Variants in SBF2 observed in about 807,000 individuals in gnomAD.
The protein encoded by SBF2 is SET binding factor 2.
Under a neutral mutation model 225.2 loss-of-function variants are expected in SBF2, and 112 were observed. The observed-to-expected ratio is 0.50, with a 90% CI of 0.43 to 0.58. The LOEUF (loss-of-function observed/expected upper bound fraction) is 0.58, where lower values mean the gene tolerates loss of function less well. Among genes scored for constraint, SBF2 ranks in the 20% least tolerant of loss-of-function variants. The pLI is 0.00. For missense variants in SBF2, 1,996 were observed against 2,206.2 expected, an observed-to-expected ratio of 0.90 and a Z score of 1.91; for synonymous variants, 763 against 773.3, an observed-to-expected ratio of 0.99 and a Z score of 0.22.
chr11:9,906,167 C>T (rs529970092), intron 16 of SBF2, among the ~76,000 whole-genome samples: 1 of 152,170 alleles, frequency 6.6e-6, no homozygotes, highest in Non-Finnish European at 1.5e-5. Flanking sequence ...AACAGAAATG[C>T]CTTGCATGTT....
intron 6 of SBF2, among the ~76,000 whole-genome samples, chr11:10,005,723 A>G (rs1948160623): frequency 6.6e-6 from 1 of 152,194 alleles, no homozygotes. Context: ...CTTTGGTGCC[A>G]CGTGACTCAA....
At chr11:10,036,656 A>G (rs1426831728) in intron 3 of SBF2, among the ~76,000 whole-genome samples, 2 of 152,206 alleles carry the variant, frequency 1.3e-5, no homozygotes, top group Non-Finnish European at 2.9e-5. Context: ...AAGGTCATAC[A>G]GATCATTAAA....
intron 17 of SBF2, among the ~76,000 whole-genome samples, chr11:9,886,294 G>A (rs1033111656): frequency 1.6e-4 from 24 of 152,202 alleles, no homozygotes; most frequent in Middle Eastern, 3.4e-3. Context: ...ATCTTCACAT[G>A]ATTCTCCTGT....
chr11:10,081,604 C>G (rs1409324420), intron 2 of SBF2, among the ~76,000 whole-genome samples: 1 of 151,522 alleles, frequency 6.6e-6, no homozygotes, highest in African/African-American at 2.4e-5. Context: ...ACTAAAATTA[C>G]AAAAAATTAG....
At chr11:10,257,815 G>C (rs1431830240) in intron 1 of SBF2, among the ~76,000 whole-genome samples, 1 of 151,838 alleles carries the variant, frequency 6.6e-6, no homozygotes, top group African/African-American at 2.4e-5. Context: ...TGGGCAACAT[G>C]GTGAAACTCT....
intron 17 of SBF2, among the ~76,000 whole-genome samples, chr11:9,861,948 G>T (rs1411989606): frequency 6.6e-6 from 1 of 152,200 alleles, no homozygotes; most frequent in Non-Finnish European, 1.5e-5. Context: ...GCAAGACAGA[G>T]TGACAGTGGC....
At chr11:9,908,005 A>C (rs1323725753) in intron 16 of SBF2, among the ~76,000 whole-genome samples, 1 of 152,224 alleles carries the variant, frequency 6.6e-6, no homozygotes, top group Non-Finnish European at 1.5e-5. Flanking sequence ...TTGTGCTTGA[A>C]ACCTCAACGT....
chr11:9,995,452 A>G (rs1340361438), intron 9 of SBF2, among the ~76,000 whole-genome samples: 1 of 152,224 alleles, frequency 6.6e-6, no homozygotes, highest in Non-Finnish European at 1.5e-5. Flanking sequence ...TCACTACCAC[A>G]GTACAAAATA....
chr11:10,264,283 G>T (rs1052059774), intron 1 of SBF2, among the ~76,000 whole-genome samples: 4 of 152,062 alleles, frequency 2.6e-5, no homozygotes, highest in Non-Finnish European at 5.9e-5. Context: ...GGGAAATAAA[G>T]CTCAGCTTCT....
chr11:9,972,629 C>T (rs1330630936), intron 13 of SBF2, among the ~76,000 whole-genome samples: 3 of 152,036 alleles, frequency 2.0e-5, no homozygotes, highest in Non-Finnish European at 4.4e-5. Flanking sequence ...TACAGGTGTG[C>T]ACCACCACGC....
At chr11:10,261,593 C>T (rs914769320) in intron 1 of SBF2, among the ~76,000 whole-genome samples, 7 of 152,154 alleles carry the variant, frequency 4.6e-5, no homozygotes, top group Non-Finnish European at 8.8e-5. Flanking sequence ...ACTAAGCATA[C>T]ACCCACCTAT....
chr11:10,094,527 G>GTTTTTTTT (rs1565222159), intron 2 of SBF2, among the ~76,000 whole-genome samples: 1 of 71,646 alleles, frequency 1.4e-5, no homozygotes, highest in African/African-American at 4.1e-5. Context: ...AATACACACA[G>GTTTTTTTT]ATTTTTTTTT....
At chr11:9,991,094 G>C (rs1382542481) in intron 12 of SBF2, among the ~76,000 whole-genome samples, 1 of 152,152 alleles carries the variant, frequency 6.6e-6, no homozygotes, top group African/African-American at 2.4e-5. Flanking sequence ...AGACCTTGGA[G>C]AGCATCTATT....
At chr11:10,262,217 A>C (rs1961514262) in intron 1 of SBF2, among the ~76,000 whole-genome samples, 1 of 152,214 alleles carries the variant, frequency 6.6e-6, no homozygotes, top group Non-Finnish European at 1.5e-5. Flanking sequence ...AAGATAGATT[A>C]GTGGATGATA....
At chr11:9,925,037 C>T (rs574391684) in intron 16 of SBF2, among the ~76,000 whole-genome samples, 2 of 152,280 alleles carry the variant, frequency 1.3e-5, no homozygotes, top group African/African-American at 4.8e-5. Flanking sequence ...GCGTGAGCCA[C>T]CGCACCTGGC....
intron 1 of SBF2, among the ~76,000 whole-genome samples, chr11:10,258,875 A>C (rs1961156023): frequency 6.6e-6 from 1 of 152,218 alleles, no homozygotes; most frequent in African/African-American, 2.4e-5. Context: ...ATAGGGCAGC[A>C]GATGGAAATC....
At chr11:9,844,017 C>G (rs1856364239) in intron 24 of SBF2, 1 of 152,156 alleles carries the variant, frequency 6.6e-6, no homozygotes, top group South Asian at 2.1e-4. Context: ...AGGCTTGATA[C>G]AGGTATATAT....
At chr11:10,007,131 C>T (rs979554592) in intron 6 of SBF2, among the ~76,000 whole-genome samples, 3 of 152,132 alleles carry the variant, frequency 2.0e-5, no homozygotes, top group African/African-American at 7.2e-5. Flanking sequence ...TCTCTGTTCT[C>T]TCTGGTATCT....
chr11:10,059,204 C>T (rs745893199), intron 2 of SBF2, among the ~76,000 whole-genome samples: 1 of 152,070 alleles, frequency 6.6e-6, no homozygotes, highest in Non-Finnish European at 1.5e-5. Context: ...ACTTAAAAGG[C>T]ACAAAGTAGC....
Sources: allele counts gnomAD v4.1 joint callset (sites outside exome capture counted in the v4.1 genomes callset), GRCh38; gene constraint gnomAD v4.1.1; transcripts MANE v1.5; gene names NCBI Gene and HGNC (gene_info 2026-07-23, HGNC 2026-07-21).